Variants in EPB41L3 observed in about 807,000 individuals in gnomAD.
EPB41L3 encodes the protein erythrocyte membrane protein band 4.1 like 3, also known as band 4.1-like protein 3.
A neutral mutation model predicts 127.1 loss-of-function variants in EPB41L3; 57 were observed. The ratio of observed to expected loss-of-function variants is 0.45; its 90% CI spans 0.36 to 0.56. The LOEUF is 0.56. Ranked by LOEUF, EPB41L3 falls within the 20% of genes least tolerant of loss-of-function variation. EPB41L3 has a pLI of 0.00. For synonymous variants in EPB41L3, 572 were observed against 549.5 expected (o/e 1.04, Z -0.57); for missense variants, 1,273 against 1,372.2 (o/e 0.93, Z 1.14).
rs1436870485 is a variant in EPB41L3, at chr18:5,419,746, C to G, written c.1471G>C (p.Val491Leu). 21 of 1,614,066 alleles carry G rather than the reference C, an allele frequency of 1.3e-5. No homozygotes were observed. The Admixed American group carries it at 3.5e-4, about 27-fold the overall frequency. ...TGCCGGATGGCCGAGATGGGCGTGA[C>G]TTCTTCCCCCTTCCTCCGTTTGTCC... ...EEDKRRKGEE[V>L]TPISAIRHEG... is the part of the protein sequence containing the mutation. The change falls in exon 12 of 23, where the codon GTC becomes CTC. Residue 491 changes from valine (V) to leucine (L), a missense_variant. Val to Leu is a conservative substitution (Grantham distance 32). Transcript: ENST00000341928.
rs1004527141 is a variant in EPB41L3 at position 5,433,225 on chromosome 18, C to T, written c.912+244G>A. Among the ~76,000 whole-genome samples, 14 of 152,282 alleles carry T rather than the reference C, an allele frequency of 9.2e-5. 2 individuals carry two copies. The highest frequency in any genetic ancestry group is 6.5e-4 in the Admixed American group (10 of 15,304). On this transcript the variant is annotated intron_variant, in intron 8 of 22. Coordinates refer to ENST00000341928, the MANE Select transcript of EPB41L3 (RefSeq NM_012307.5). ...AGGCAATCAGAGGCTTTGCCTATCA[C>T]GGGCTTTCAGAAGGCTGTGCCCAGG...
intron 2 of EPB41L3, among the ~76,000 whole-genome samples, chr18:5,613,492 A>G (rs1326991134): frequency 1.3e-5 from 2 of 152,146 alleles, no homozygotes; most frequent in Non-Finnish European, 2.9e-5. Flanking sequence ...CAGTCACCCT[A>G]TTGACCCCTC....
intron 1 of EPB41L3, among the ~76,000 whole-genome samples, chr18:5,535,448 C>T (rs2093543863): frequency 3.3e-5 from 5 of 152,196 alleles, no homozygotes; most frequent in Admixed American, 3.3e-4. Context: ...TAAGCATATT[C>T]CTTCTAAAGT....
rs1001697662 is a variant in EPB41L3 at position 5,397,878 on chromosome 18, C to T, written c.2472+143G>A. ...GCATGTGACAGATATGCCAAGCAGA[C>T]ACAAAGGACAATAAGTGAAGACACC... On this transcript the variant is annotated intron_variant, in intron 17 of 22. Transcript: ENST00000341928. This position sits in a 1 kb window ranked among gnomAD's most constrained non-coding sequence, Gnocchi z 4.1. The T allele has an allele frequency of 1.1e-6, 1 of 916,530 alleles. No individual in the cohort carries two copies. The highest frequency in any genetic ancestry group is 1.7e-6 in the Non-Finnish European group (1 of 588,474). 56.8% of individuals were successfully genotyped at this position (916,530 alleles called of 1,614,324 possible). A position where few individuals can be genotyped will look rare whatever the true frequency, so the allele number is the denominator to read the frequency against.
Position 5,519,787 on chromosome 18 carries a change from C to T in EPB41L3, c.-12+24126G>A, listed in dbSNP as rs567984412. Among the ~76,000 whole-genome samples the T allele has an allele frequency of 7.9e-5, 12 of 152,330 alleles. No homozygotes were observed. The South Asian group carries it at 2.1e-3, about 26-fold the overall frequency. On this transcript the variant is annotated intron_variant, in intron 1 of 22. Coordinates refer to ENST00000341928, the MANE Select transcript of EPB41L3 (RefSeq NM_012307.5). ...AGAAAGGATATATTTCTCTTTCCTA[C>T]ATTTGCGGATTTAGCTGAGTAGTTA...
intron 3 of EPB41L3, among the ~76,000 whole-genome samples, chr18:5,471,299 T>G (rs2086101497): frequency 6.6e-6 from 1 of 152,168 alleles, no homozygotes; most frequent in Admixed American, 6.5e-5. Flanking sequence ...GTGGCAATTC[T>G]GAGTGGCCAA....
At chr18:5,623,444 T>C (rs1229620231) in intron 1 of EPB41L3, among the ~76,000 whole-genome samples, 1 of 152,216 alleles carries the variant, frequency 6.6e-6, no homozygotes, top group Non-Finnish European at 1.5e-5. Context: ...TTCTTTTTGC[T>C]CATTCCTAGT....
intron 4 of EPB41L3, among the ~76,000 whole-genome samples, chr18:5,444,302 T>C (rs994926101): frequency 5.3e-5 from 8 of 152,224 alleles, no homozygotes; most frequent in African/African-American, 1.9e-4. Flanking sequence ...GGCATCTACC[T>C]AGGAAGCTTC....
At chr18:5,462,179 G>GT (rs2084119319) in intron 3 of EPB41L3, among the ~76,000 whole-genome samples, 1 of 152,182 alleles carries the variant, frequency 6.6e-6, no homozygotes, top group Non-Finnish European at 1.5e-5. Flanking sequence ...GTATGCTGAT[G>GT]TAAAGCTACT....
intron 1 of EPB41L3, among the ~76,000 whole-genome samples, chr18:5,521,964 T>C (rs1019702277): frequency 1.3e-5 from 2 of 152,220 alleles, no homozygotes; most frequent in Non-Finnish European, 2.9e-5. Context: ...ACCTTAATTA[T>C]ACAGTTAAAA....
intron 3 of EPB41L3, among the ~76,000 whole-genome samples, chr18:5,561,694 G>T (rs528643190): frequency 1.5e-4 from 23 of 152,256 alleles, no homozygotes; most frequent in African/African-American, 5.3e-4. Context: ...AATTTAAGCT[G>T]CATAGTTTCA....
At chr18:5,521,488 C>A (rs1321351260) in intron 1 of EPB41L3, 1 of 152,142 alleles carries the variant, frequency 6.6e-6, no homozygotes, top group Non-Finnish European at 1.5e-5. Context: ...GAAACAGCAC[C>A]ACGATGAGCA....
intron 3 of EPB41L3, among the ~76,000 whole-genome samples, chr18:5,593,493 A>G (rs984952615): frequency 2.0e-5 from 3 of 152,126 alleles, no homozygotes; most frequent in African/African-American, 7.2e-5. Context: ...TCACAAGGTG[A>G]TAGGATATCA....
At chr18:5,620,657 A>G (rs767520550) in intron 1 of EPB41L3, among the ~76,000 whole-genome samples, 1 of 152,236 alleles carries the variant, frequency 6.6e-6, no homozygotes, top group African/African-American at 2.4e-5. Flanking sequence ...GAAAGTATCT[A>G]CATCATCCGA....
chr18:5,610,158 TCCCAAC>T, intron 3 of EPB41L3: 1 of 985,378 alleles, frequency 1.0e-6, no homozygotes, highest in Non-Finnish European at 1.2e-6. Context: ...ATTATCCACG[TCCCAAC>T]AAGCAAAGGT....
chr18:5,400,873 A>G (rs1031382658), intron 16 of EPB41L3: 11 of 764,714 alleles, frequency 1.4e-5, no homozygotes, highest in Non-Finnish European at 2.3e-5. Flanking sequence ...TAAACAAGAT[A>G]AATGTTAAAG....
At chr18:5,427,832 G>T (rs569915596) in intron 9 of EPB41L3, among the ~76,000 whole-genome samples, 166 of 151,720 alleles carry the variant, frequency 1.1e-3, no homozygotes, top group Non-Finnish European at 3.4e-4. Context: ...TGCAAGCTCC[G>T]CCCCCTGGGT....
chr18:5,482,120 G>A (rs992026826), intron 2 of EPB41L3, among the ~76,000 whole-genome samples: 9 of 152,226 alleles, frequency 5.9e-5, no homozygotes, highest in African/African-American at 1.9e-4. Context: ...AGATAAAAAT[G>A]AAAAGCAATT....
chr18:5,607,748 T>C lies in EPB41L3; in HGVS notation c.-306+4592A>G, dbSNP rs1225115396. On this transcript the variant is annotated intron_variant, in intron 3 of 21. Transcript: ENST00000545076. ...AGAGACAGAAATATCATATATTTCT[T>C]TAATATAATCCCCCCTGTTCCCCAA... 2.0e-5 allele frequency among the ~76,000 whole-genome samples: 3 copies of C among 152,128 alleles called. No homozygotes were observed. In the East Asian group the frequency reaches 5.8e-4, roughly 29 times the overall value.
Sources: allele counts gnomAD v4.1 joint callset (sites outside exome capture counted in the v4.1 genomes callset), GRCh38; gene constraint gnomAD v4.1.1; non-coding constraint Gnocchi (gnomAD v3.1); transcripts MANE v1.5; gene names NCBI Gene and HGNC (gene_info 2026-07-23, HGNC 2026-07-21).